Variants in INSL6 observed in about 807,000 individuals in gnomAD.
INSL6 encodes insulin like 6.
INSL6 carries 16 observed loss-of-function variants against 9.4 expected under a neutral mutation model. The ratio of observed to expected loss-of-function variants is 1.70; its 90% confidence interval spans 1.15 to 2.59. The LOEUF (loss-of-function observed/expected upper bound fraction) is 2.59. Among genes scored for constraint, INSL6 ranks in the 30% most tolerant of loss-of-function variants. The probability of loss-of-function intolerance (pLI) is 0.00; values close to 1 mark genes in which losing one functional copy is unlikely to be tolerated. For missense variants in INSL6, 391 were observed against 257.3 expected (o/e 1.52, Z -3.56); for synonymous variants, 154 against 96.9 (o/e 1.59, Z -3.46).
At chr9:5,082,188 C>G in the INSL6 span, among the ~76,000 whole-genome samples, 2 of 152,214 alleles carry the variant, frequency 1.3e-5, no homozygotes, top group African/African-American at 2.4e-5. Flanking sequence ...CGCACCAACA[C>G]TGGTCTCTGA....
rs148422893 is a variant in INSL6, at chr9:5,164,222, C to A, written c.333G>T (p.Gln111His). 28 of 1,606,660 alleles carry A rather than the reference C, an allele frequency of 1.7e-5. No homozygotes were observed. The highest frequency in any genetic ancestry group is 1.7e-4 in the Middle Eastern group (1 of 6,032). The change falls in exon 2 of 2, where the codon CAG becomes CAT. Residue 111 changes from glutamine to histidine, a missense_variant. Physicochemically the swap from Gln to His is conservative, Grantham distance 24. Coordinates refer to ENST00000381641, the MANE Select transcript of INSL6 (RefSeq NM_007179.3). ...WEEAVNSWEM[Q>H]SLPEYKDKKG... is the part of the protein sequence containing the mutation. ...TTTTATCCTTATACTCAGGTAGTGA[C>A]TGCATTTCCCAACTGTTTACTGCTT...
the INSL6 span, among the ~76,000 whole-genome samples, chr9:4,992,017 C>T: frequency 2.6e-5 from 4 of 152,128 alleles, no homozygotes; most frequent in Non-Finnish European, 5.9e-5. Flanking sequence ...TCACAGATAC[C>T]ATGGGTCAGT....
the INSL6 span, among the ~76,000 whole-genome samples, chr9:5,020,055 G>A: frequency 1.3e-5 from 2 of 152,176 alleles, no homozygotes; most frequent in African/African-American, 4.8e-5. Context: ...GGCAGTGATG[G>A]GCTGGGCAGC....
the INSL6 span, among the ~76,000 whole-genome samples, chr9:4,994,317 C>A: frequency 6.6e-6 from 1 of 152,166 alleles, no homozygotes; most frequent in African/African-American, 2.4e-5. Flanking sequence ...ATTAACTGTA[C>A]TAGAACTGTT....
the INSL6 span, chr9:5,108,911 T>C: frequency 6.6e-5 from 10 of 152,130 alleles, no homozygotes; most frequent in African/African-American, 2.2e-4. Flanking sequence ...GCCTAGCAAA[T>C]TCCAACTACG....
the INSL6 span, among the ~76,000 whole-genome samples, chr9:5,104,376 T>A: frequency 6.6e-6 from 1 of 152,298 alleles, no homozygotes; most frequent in Admixed American, 6.5e-5. Context: ...AGAAGTTGAA[T>A]CTCTGAATAG....
chr9:5,010,281 G>T, the INSL6 span, among the ~76,000 whole-genome samples: 2 of 151,294 alleles, frequency 1.3e-5, no homozygotes, highest in Admixed American at 6.6e-5. Context: ...TCTATTTTAA[G>T]CCCTACCATA....
chr9:4,992,310 G>A, the INSL6 span, among the ~76,000 whole-genome samples: 1 of 152,150 alleles, frequency 6.6e-6, no homozygotes, highest in African/African-American at 2.4e-5. Flanking sequence ...AAAAGTGAGT[G>A]TGTCTCAGCA....
intron 1 of INSL6, among the ~76,000 whole-genome samples, chr9:5,167,294 T>C (rs775046376): frequency 2.0e-5 from 3 of 152,162 alleles, no homozygotes; most frequent in Non-Finnish European, 2.9e-5. Flanking sequence ...ACCAGGGCCT[T>C]GGGTTCCAAG....
Position 5,177,988 on chromosome 9 carries a change from G to A in INSL6, c.289+7326C>T, listed in dbSNP as rs190491963. Among the ~76,000 whole-genome samples, 12 of 152,214 alleles carry A rather than the reference G, an allele frequency of 7.9e-5. No individual in the cohort carries two copies. In the East Asian group the frequency reaches 1.5e-3, roughly 20 times the overall value. On this transcript the variant is annotated intron_variant, in intron 1 of 1. Transcript: ENST00000381641. ...CCTCCCAGGTTCAAGCGATTCTCCC[G>A]CCTCAGCCTCCCAAGTAGCTGGGAT...
the INSL6 span, chr9:5,110,023 C>T: frequency 6.6e-6 from 1 of 152,218 alleles, no homozygotes; most frequent in Non-Finnish European, 1.5e-5. Context: ...TTAGTTATAG[C>T]ATGGTTCCTC....
At chr9:5,110,908 A>C in the INSL6 span, 1 of 557,458 alleles carries the variant, frequency 1.8e-6, no homozygotes. Context: ...CTCTGGCCCC[A>C]AGAGAATGAA....
chr9:5,024,936 CT>C, the INSL6 span, among the ~76,000 whole-genome samples: 2 of 152,188 alleles, frequency 1.3e-5, no homozygotes, highest in African/African-American at 4.8e-5. Context: ...ATCTTCAAGA[CT>C]TTGCTTAACT....
chr9:5,046,735 G>C, the INSL6 span, among the ~76,000 whole-genome samples: 1 of 152,058 alleles, frequency 6.6e-6, no homozygotes, highest in African/African-American at 2.4e-5. Context: ...TCCTTTATCT[G>C]TATAGCCATT....
In INSL6 at chr9:5,139,309, G is replaced by A. The variant is rs189229908; in HGVS notation, c.377-5717C>T. On this transcript the variant is annotated intron_variant, in intron 2 of 3. Transcript: ENST00000649639. ...GTTTAGTGGCCATTTGTTCATAGTTGGATTACTACATCCTATCCATCAAAC... is the reference window on the plus strand; with the variant it reads ...GTTTAGTGGCCATTTGTTCATAGTTAGATTACTACATCCTATCCATCAAAC... Among the ~76,000 whole-genome samples the A allele has an allele frequency of 5.3e-5, 8 of 151,944 alleles. No individual in the cohort carries two copies. In the East Asian group the frequency reaches 1.4e-3, roughly 26 times the overall value.
the INSL6 span, chr9:5,094,848 T>C: frequency 6.6e-6 from 1 of 152,152 alleles, no homozygotes; most frequent in Admixed American, 6.6e-5. Flanking sequence ...ATAAATTTCA[T>C]TACCAAGACC....
Position 5,185,344 on chromosome 9 carries a change from A to T in INSL6, c.259T>A (p.Ser87Thr), listed in dbSNP as rs1032372618. The T allele has an allele frequency of 6.2e-7, 1 of 1,614,024 alleles. No individual in the cohort carries two copies. Residue 87 changes from serine (S) to threonine (T), a missense_variant, in exon 1 of 2, where the codon TCC (serine) becomes ACC (threonine). Coordinates refer to ENST00000381641, the MANE Select transcript of INSL6 (RefSeq NM_007179.3). ...PYQFESPQTASPARGRGTNPV... is the reference protein window; with the variant it reads ...PYQFESPQTATPARGRGTNPV... ...TTTGTGCCTCTTCCCCGGGCCGGGG[A>T]AGCGGTTTGCGGGCTTTCGAACTGG... is the stretch of plus-strand genomic sequence containing the variant.
At chr9:5,160,287 A>C (rs1272721248), downstream of INSL6, among the ~76,000 whole-genome samples, 1 of 152,156 alleles carries the variant, frequency 6.6e-6, no homozygotes, top group Non-Finnish European at 1.5e-5. Flanking sequence ...GAAAGCAAAA[A>C]CAAAAGGAAT....
chr9:5,022,193 T>C, the INSL6 span: 3 of 1,613,758 alleles, frequency 1.9e-6, no homozygotes, highest in Admixed American at 1.7e-5. Flanking sequence ...GAAATCTGTA[T>C]TGCTGCTTCT....
Sources: allele counts gnomAD v4.1 joint callset (sites outside exome capture counted in the v4.1 genomes callset), GRCh38; gene constraint gnomAD v4.1.1; transcripts MANE v1.5; gene names NCBI Gene and HGNC (gene_info 2026-07-23, HGNC 2026-07-21).